The following SNX29 variants were observed in gnomAD, a reference collection of about 807,000 sequenced individuals.
The protein encoded by SNX29 is sorting nexin-29.
A neutral mutation model predicts 102.1 loss-of-function variants in SNX29; 78 were observed. The observed-to-expected ratio is 0.76, with a 90% CI of 0.64 to 0.92. SNX29 has a LOEUF of 0.92. Ranked by LOEUF, SNX29 falls within the 40% of genes least tolerant of loss-of-function variation. The pLI is 0.00. For missense variants in SNX29, 1,280 were observed against 1,061.7 expected, an observed-to-expected ratio of 1.21 and a Z score of -2.86; for synonymous variants, 580 against 414.5, an observed-to-expected ratio of 1.40 and a Z score of -4.85.
intron 20 of SNX29, among the ~76,000 whole-genome samples, chr16:12,530,938 C>A (rs1597770497): frequency 6.6e-6 from 1 of 152,180 alleles, no homozygotes; most frequent in African/African-American, 2.4e-5. Flanking sequence ...TAATTTATTT[C>A]ACCCTTGCTC....
At position 12,477,789 on chromosome 16, in the gene SNX29, A is replaced by G. The variant is rs2087724655; in HGVS notation, c.2108A>G (p.His703Arg). Residue 703 changes from histidine (H) to arginine (R), a missense_variant, in exon 19 of 21, where the codon CAC (histidine) becomes CGC (arginine). By Grantham distance (29) the His-to-Arg change is conservative. Transcript: ENST00000566228. ...TATACAGAGTTCAGGAGTTTGCACC[A>G]CAAGTTACAAAACAAGTACCCTCAA... ...RRYTEFRSLH[H>R]KLQNKYPQVR... The G allele has an allele frequency of 6.2e-7, 1 of 1,613,510 alleles. No individual in the cohort carries two copies. The highest frequency in any genetic ancestry group is 8.5e-7 in the Non-Finnish European group (1 of 1,179,736).
chr16:12,242,641 TC>T (rs904739493), intron 14 of SNX29, among the ~76,000 whole-genome samples: 3 of 150,944 alleles, frequency 2.0e-5, no homozygotes, highest in Admixed American at 2.0e-4. Flanking sequence ...CTTCTTCTTT[TC>T]TTCTTGTCTT....
Position 12,568,683 on chromosome 16 carries a change from C to A in SNX29, c.*54C>A. On this transcript the variant is annotated 3_prime_UTR_variant, in exon 21 of 21. Coordinates refer to ENST00000566228, the MANE Select transcript of SNX29 (RefSeq NM_032167.5). Reference sequence around the variant, plus strand: ...GTGCGTGGCACCAGCTGCGTCCACCCCAGCCACTGCCGCTGGCCCCTCACC... The same window carrying A: ...GTGCGTGGCACCAGCTGCGTCCACCACAGCCACTGCCGCTGGCCCCTCACC... The A allele has an allele frequency of 6.3e-7, 1 of 1,583,364 alleles. No individual in the cohort carries two copies.
At position 12,070,999 on chromosome 16, in the gene SNX29, T is replaced by C. The variant is rs1311144897; in HGVS notation, c.1319+1867T>C. Among the ~76,000 whole-genome samples, 10 of 152,186 alleles carry C rather than the reference T, an allele frequency of 6.6e-5. No individual in the cohort carries two copies. In the East Asian group the frequency reaches 1.5e-3, roughly 23 times the overall value. Reference sequence around the variant, plus strand: ...TTGAGAAGTGTCTGTTCATATCCTTTGCCCACTTTTTGATGGGGTTGTTTT... The same window carrying C: ...TTGAGAAGTGTCTGTTCATATCCTTCGCCCACTTTTTGATGGGGTTGTTTT... On this transcript the variant is annotated intron_variant, in intron 10 of 20. Coordinates refer to ENST00000566228, the MANE Select transcript of SNX29 (RefSeq NM_032167.5).
chr16:12,076,303 CT>C (rs541884560), intron 10 of SNX29, among the ~76,000 whole-genome samples: 26,212 of 139,584 alleles, frequency 0.19, 2,180 homozygotes, highest in African/African-American at 0.26. Flanking sequence ...TGGCTCCTCC[CT>C]TTTTTTTTTT....
At position 12,487,202 on chromosome 16, in the gene SNX29, G is replaced by C. The variant is rs144148811; in HGVS notation, c.2178+9343G>C. ...CTGTGTTCAGGTTTGTTAGGTAAGG[G>C]GCATTGGGCTGGTAGTGAAGTGGGG... On this transcript the variant is annotated intron_variant, in intron 19 of 20. Transcript: ENST00000566228. Among the ~76,000 whole-genome samples, 50 of 152,208 alleles carry C rather than the reference G, an allele frequency of 3.3e-4. No homozygotes were observed. In the East Asian group the frequency reaches 9.5e-3, roughly 29 times the overall value.
chr16:12,520,133 G>A (rs557774558), intron 19 of SNX29, among the ~76,000 whole-genome samples: 173 of 152,282 alleles, frequency 1.1e-3, no homozygotes, highest in South Asian at 2.7e-3. Context: ...CCTGTGCCGC[G>A]ATTCAGGCCA....
At chr16:12,348,180 C>T (rs558866885) in intron 15 of SNX29, among the ~76,000 whole-genome samples, 1 of 152,136 alleles carries the variant, frequency 6.6e-6, no homozygotes, top group South Asian at 2.1e-4. Flanking sequence ...ATTTGACCTC[C>T]AGGGCCTCAT....
intron 15 of SNX29, among the ~76,000 whole-genome samples, chr16:12,295,630 C>G (rs1467382064): frequency 6.6e-6 from 1 of 152,220 alleles, no homozygotes; most frequent in Non-Finnish European, 1.5e-5. Flanking sequence ...TTTGCCAGGG[C>G]AAGCTCTCAG....
chr16:12,237,721 A>C (rs954096104), intron 14 of SNX29, among the ~76,000 whole-genome samples: 2 of 151,788 alleles, frequency 1.3e-5, no homozygotes, highest in African/African-American at 4.9e-5. Context: ...AGACTGGGCA[A>C]CTTGGTGAAA....
At chr16:12,348,570 G>T (rs988784122) in intron 15 of SNX29, among the ~76,000 whole-genome samples, 1 of 152,252 alleles carries the variant, frequency 6.6e-6, no homozygotes, top group South Asian at 2.1e-4. Context: ...GTGTGACAGT[G>T]TCCCTTACCT....
intron 20 of SNX29, among the ~76,000 whole-genome samples, chr16:12,534,258 A>G (rs1597787958): frequency 6.6e-6 from 1 of 152,226 alleles, no homozygotes; most frequent in South Asian, 2.1e-4. Context: ...TCAGTGCCCA[A>G]GCACCGCCGG....
chr16:12,068,324 T>A (rs980462052), intron 9 of SNX29, among the ~76,000 whole-genome samples: 2 of 151,076 alleles, frequency 1.3e-5, no homozygotes, highest in African/African-American at 2.4e-5. Context: ...CAAAAAAAAA[T>A]AAAAAATAAA....
intron 20 of SNX29, chr16:12,556,595 T>C (rs2078366079): frequency 6.6e-6 from 1 of 152,244 alleles, no homozygotes; most frequent in African/African-American, 2.4e-5. Flanking sequence ...TGGAAGGGTT[T>C]GGGGTCTGAG....
At chr16:12,036,360 A>G (rs1425426753) in intron 4 of SNX29, among the ~76,000 whole-genome samples, 1 of 119,300 alleles carries the variant, frequency 8.4e-6, no homozygotes, top group African/African-American at 3.3e-5. Flanking sequence ...TTTGAGACAG[A>G]GTCTTGCTCT....
At chr16:12,541,953 G>A (rs943219500) in intron 20 of SNX29, among the ~76,000 whole-genome samples, 15 of 152,296 alleles carry the variant, frequency 9.8e-5, no homozygotes, top group South Asian at 4.1e-4. Flanking sequence ...ACAAGAGGAC[G>A]CTGGATCCAC....
At chr16:12,172,126 A>G (rs1285377814) in intron 13 of SNX29, among the ~76,000 whole-genome samples, 2 of 152,204 alleles carry the variant, frequency 1.3e-5, no homozygotes, top group Non-Finnish European at 2.9e-5. Flanking sequence ...AGACTTAACA[A>G]CATGAAGTGT....
rs117928590 is a variant in SNX29, at chr16:12,236,675, T to C, written c.1678+36992T>C. On this transcript the variant is annotated intron_variant, in intron 14 of 20. Coordinates refer to ENST00000566228, the MANE Select transcript of SNX29 (RefSeq NM_032167.5). Reference sequence around the variant, plus strand: ...AAAACCAGCCACAGGCTACCACTGATTGAAGACTCCCTATGTGCCAGGTAC... The same window carrying C: ...AAAACCAGCCACAGGCTACCACTGACTGAAGACTCCCTATGTGCCAGGTAC... Among the ~76,000 whole-genome samples, 1,022 of 152,358 alleles carry C rather than the reference T, an allele frequency of 6.7e-3. 3 individuals are homozygous for C. Among genetic ancestry groups the C allele is most frequent in the Middle Eastern group, 0.01 (3 of 294 alleles).
At chr16:12,299,465 A>G (rs2080091212) in intron 15 of SNX29, among the ~76,000 whole-genome samples, 1 of 152,308 alleles carries the variant, frequency 6.6e-6, no homozygotes, top group South Asian at 2.1e-4. Context: ...TACACTGGAC[A>G]TCAAAGCAAG....
Sources: gnomAD v4.1 joint callset for allele counts (sites outside exome capture counted in the v4.1 genomes callset) on GRCh38, gnomAD v4.1.1 for gene constraint, MANE v1.5 for transcripts, NCBI Gene and HGNC (gene_info 2026-07-23, HGNC 2026-07-21) for gene names.